HYDIN: variants seen among roughly 807,000 people sequenced by gnomAD.
The protein encoded by HYDIN is HYDIN axonemal central pair apparatus protein.
A neutral mutation model predicts 403.9 loss-of-function variants in HYDIN; 132 were observed. That is an observed-to-expected ratio of 0.33 (90% CI 0.28 to 0.38). HYDIN has a LOEUF of 0.38. Among genes scored for constraint, HYDIN ranks in the 10% least tolerant of loss-of-function variants. The probability of loss-of-function intolerance (pLI) is 1.00; values close to 1 mark genes in which losing one functional copy is unlikely to be tolerated. For missense variants in HYDIN, 2,827 were observed against 5,009.5 expected (o/e 0.56, Z 13.15); for synonymous variants, 1,202 against 1,891.7 (o/e 0.64, Z 9.46).
intron 21 of HYDIN, among the ~76,000 whole-genome samples, chr16:71,024,771 C>T (rs2080630421): frequency 6.8e-6 from 1 of 146,178 alleles, no homozygotes; most frequent in Non-Finnish European, 1.5e-5. Flanking sequence ...TGTCCCCTGA[C>T]TCTGACATTT....
At chr16:70,979,232 A>G (rs940137307) in intron 29 of HYDIN, among the ~76,000 whole-genome samples, 191 bp from the exon 30 acceptor site, 1 of 141,786 alleles carries the variant, frequency 7.1e-6, no homozygotes. Flanking sequence ...AATCTGTATT[A>G]GAGACCTCAC....
At chr16:71,213,489 G>T (rs994066395) in intron 1 of HYDIN, among the ~76,000 whole-genome samples, 5 of 152,098 alleles carry the variant, frequency 3.3e-5, no homozygotes, top group Non-Finnish European at 4.4e-5. Context: ...ATACATACAT[G>T]TTGGATTCTT....
intron 18 of HYDIN, among the ~76,000 whole-genome samples, chr16:71,048,256 G>A (rs2081516379): frequency 6.7e-6 from 1 of 149,366 alleles, no homozygotes; most frequent in Admixed American, 6.8e-5. Flanking sequence ...TGGACACTTA[G>A]GTTGGTTCCA....
In HYDIN at chr16:70,970,644, T is replaced by C. The variant is rs774869528; in HGVS notation, c.5495A>G (p.Asp1832Gly). 1.4e-5 allele frequency: 21 copies of C among 1,527,490 alleles called. No individual in the cohort carries two copies. The highest frequency in any genetic ancestry group is 1.7e-4 in the Middle Eastern group (1 of 5,860). The allele number at this position is 1,527,490 out of a possible 1,614,324, so 94.6% of individuals were successfully genotyped here. The change falls in exon 36 of 86, where the codon GAT (aspartate) becomes GGT (glycine). Residue 1832 changes from aspartate to glycine, a missense_variant. Coordinates refer to ENST00000393567, the MANE Select transcript of HYDIN (RefSeq NM_001270974.2). ...TGCACAAAGTAGCAGTGGCCCCAGATCCAGGACTGAAGGACTAAATTCCAG... is the reference window on the plus strand; with the variant it reads ...TGCACAAAGTAGCAGTGGCCCCAGACCCAGGACTGAAGGACTAAATTCCAG... Reference protein sequence around the residue: ...PRLEFSPSVLDLGPLLLCAPG... With the variant: ...PRLEFSPSVLGLGPLLLCAPG...
At chr16:71,200,510 C>T (rs9928164) in intron 1 of HYDIN, among the ~76,000 whole-genome samples, 52,938 of 151,902 alleles carry the variant, frequency 0.35, 9,689 homozygotes, top group East Asian at 0.57. Flanking sequence ...TGAAGTCTTG[C>T]CATCTTGATT....
intron 7 of HYDIN, among the ~76,000 whole-genome samples, chr16:71,149,463 GCA>G (rs1356188936): frequency 1.3e-5 from 2 of 151,070 alleles, no homozygotes; most frequent in East Asian, 2.0e-4. Flanking sequence ...ATGTATATCT[GCA>G]CACACACACA....
At chr16:71,219,789 C>T (rs1029871821) in intron 1 of HYDIN, among the ~76,000 whole-genome samples, 1 of 152,180 alleles carries the variant, frequency 6.6e-6, no homozygotes. Flanking sequence ...ATTATTTTTG[C>T]CTTATTCCAA....
chr16:71,103,879 C>T (rs1188831321), intron 10 of HYDIN, among the ~76,000 whole-genome samples: 4 of 152,100 alleles, frequency 2.6e-5, no homozygotes, highest in African/African-American at 9.7e-5. Flanking sequence ...TATTGAATAG[C>T]CATATTGAAT....
intron 19 of HYDIN, among the ~76,000 whole-genome samples, chr16:71,029,714 T>C (rs1304419405): frequency 6.8e-6 from 1 of 148,070 alleles, no homozygotes; most frequent in Non-Finnish European, 1.5e-5. Flanking sequence ...AATTCAACCA[T>C]GTGACTTGCT....
intron 20 of HYDIN, among the ~76,000 whole-genome samples, chr16:71,025,890 GT>G (rs2080674591): frequency 6.6e-6 from 1 of 152,086 alleles, no homozygotes; most frequent in Non-Finnish European, 1.5e-5. Flanking sequence ...TAGTTGGAAA[GT>G]TTTTGTCTTT....
chr16:71,030,726 T>C (rs1218390771), intron 19 of HYDIN, among the ~76,000 whole-genome samples: 1 of 152,258 alleles, frequency 6.6e-6, no homozygotes, highest in Non-Finnish European at 1.5e-5. Context: ...CTACTGTGCC[T>C]GGTCCAAACC....
intron 23 of HYDIN, among the ~76,000 whole-genome samples, chr16:70,996,421 C>A (rs1460723098): frequency 2.0e-5 from 3 of 152,086 alleles, no homozygotes; most frequent in African/African-American, 7.2e-5. Context: ...AGCAGGGAGC[C>A]AGGCAGTGCA....
At chr16:71,230,516 A>G in intron 1 of HYDIN, 46 bp downstream of exon 1, 2 of 1,498,354 alleles carry the variant, frequency 1.3e-6, no homozygotes, top group South Asian at 1.3e-5. Context: ...GTTAGCCCCC[A>G]TGTCCCTCAC....
intron 23 of HYDIN, among the ~76,000 whole-genome samples, chr16:71,000,172 G>C (rs1272628818): frequency 6.6e-6 from 1 of 152,088 alleles, no homozygotes; most frequent in African/African-American, 2.4e-5. Context: ...ATCACTCCAT[G>C]AACCAAGCGG....
At chr16:70,941,583 AT>A in intron 43 of HYDIN, 52 bp downstream of exon 43, 4 of 1,336,732 alleles carry the variant, frequency 3.0e-6, no homozygotes, top group Non-Finnish European at 4.0e-6. Context: ...CGCCAACGGA[AT>A]AGCAAATGTC....
Position 70,879,608 on chromosome 16 carries a change from G to C in HYDIN, c.10364C>G (p.Pro3455Arg), listed in dbSNP as rs776705999. ...GCTGGGAGCTGGGAGTTGGTACCTG[G>C]GCAAGCCATCCAAGGTAGCCTCAAA... ...CIFEATLDGL[P>R]STLAKSRGLV... The change falls in exon 61 of 86, where the codon CCC becomes CGC. Residue 3455 changes from proline (P) to arginine (R), a missense_variant. Transcript: ENST00000393567. 6.2e-7 allele frequency: 1 copy of C among 1,613,282 alleles called. No homozygotes were observed. The highest frequency in any genetic ancestry group is 2.2e-5 in the East Asian group (1 of 44,858).
intron 1 of HYDIN, among the ~76,000 whole-genome samples, chr16:71,199,416 A>G (rs1216632526): frequency 6.6e-6 from 1 of 152,138 alleles, no homozygotes; most frequent in Non-Finnish European, 1.5e-5. Flanking sequence ...GGCTCTGGTC[A>G]TCAATCCCTG....
intron 53 of HYDIN, among the ~76,000 whole-genome samples, chr16:70,896,499 T>C (rs990128886): frequency 1.3e-5 from 2 of 151,888 alleles, no homozygotes; most frequent in Admixed American, 1.3e-4. Flanking sequence ...ACTACAGGAG[T>C]GCATCATCAT....
In HYDIN at chr16:70,803,687, C is replaced by T. The variant is rs2034989470; in HGVS notation, c.*3893G>A. 6.6e-6 allele frequency among the ~76,000 whole-genome samples: 1 copy of T among 152,214 alleles called. No homozygotes were observed. The highest frequency in any genetic ancestry group is 1.5e-5 in the Non-Finnish European group (1 of 68,042). On this transcript the variant is annotated 3_prime_UTR_variant, in exon 86 of 86. Coordinates refer to ENST00000393567, the MANE Select transcript of HYDIN (RefSeq NM_001270974.2). ...GAACTGTGCAAAGCAGTTTCTCCAA[C>T]AGCAATGTAATTGTAGCTGGAGTTT...
Sources: allele counts gnomAD v4.1 joint callset (sites outside exome capture counted in the v4.1 genomes callset), GRCh38; gene constraint gnomAD v4.1.1; transcripts MANE v1.5; gene names NCBI Gene and HGNC (gene_info 2026-07-23, HGNC 2026-07-21).